Variants in OCSTAMP observed in about 807,000 individuals in gnomAD.
The protein encoded by OCSTAMP is transmembrane protein C20orf123.
OCSTAMP carries 17 observed loss-of-function variants against 25.2 expected under a neutral mutation model. The ratio of observed to expected loss-of-function variants is 0.68; its 90% CI spans 0.46 to 1.01. The LOEUF (loss-of-function observed/expected upper bound fraction) is 1.01. Ranked by LOEUF, OCSTAMP falls within the 50% of genes least tolerant of loss-of-function variation. The probability of loss-of-function intolerance (pLI) is 0.00; values close to 1 mark genes in which losing one functional copy is unlikely to be tolerated. For synonymous variants in OCSTAMP, 345 were observed against 318.9 expected (o/e 1.08, Z -0.87); for missense variants, 664 against 694.6 (o/e 0.96, Z 0.50).
At chr20:46,544,326 C>T (rs796338507) in intron 2 of OCSTAMP, among the ~76,000 whole-genome samples, 2 of 152,288 alleles carry the variant, frequency 1.3e-5, no homozygotes, top group African/African-American at 4.8e-5. Context: ...CCCTTATTGC[C>T]TAAGATGTAA....
At chr20:46,547,886 G>A (rs1397965077) in intron 1 of OCSTAMP, among the ~76,000 whole-genome samples, 1 of 152,142 alleles carries the variant, frequency 6.6e-6, no homozygotes, top group Non-Finnish European at 1.5e-5. Flanking sequence ...CATCGAGAGG[G>A]GAGACATTGA....
intron 2 of OCSTAMP, among the ~76,000 whole-genome samples, chr20:46,544,864 C>T (rs1383777817): frequency 6.6e-6 from 1 of 152,200 alleles, no homozygotes; most frequent in African/African-American, 2.4e-5. Flanking sequence ...TTCCAAAGTC[C>T]TCCTCCAGTC....
Position 46,546,321 on chromosome 20 carries a change from G to A in OCSTAMP, c.53C>T (p.Ser18Phe), listed in dbSNP as rs2061852695. The A allele has an allele frequency of 6.5e-7, 1 of 1,547,322 alleles. No homozygotes were observed. Among genetic ancestry groups the A allele is most frequent in the Non-Finnish European group, 8.7e-7 (1 of 1,145,472 alleles). ...AEQLVKTGWR[S>F]WHLGFWKALA... ...GGCCTTCCAGAACCCCAAGTGCCAG[G>A]ACCTCCACCTGCACACAAGGAAATT... Residue 18 changes from serine (S) to phenylalanine (F), a missense_variant, in exon 2 of 3, where the codon TCC (serine) becomes TTC (phenylalanine). Transcript: ENST00000279028.
intron 2 of OCSTAMP, among the ~76,000 whole-genome samples, 159 bp downstream of exon 2, chr20:46,545,168 T>C (rs946650083): frequency 4.6e-5 from 7 of 152,160 alleles, no homozygotes; most frequent in Admixed American, 2.6e-4. Context: ...GTTGTGGGTA[T>C]CCGATGAGTC....
intron 2 of OCSTAMP, among the ~76,000 whole-genome samples, chr20:46,542,584 A>AAAAAAAAAAAAAG (rs2061837985): frequency 6.6e-6 from 1 of 151,194 alleles, no homozygotes; most frequent in African/African-American, 2.4e-5. Flanking sequence ...CAAAAAAAAA[A>AAAAAAAAAAAAAG]AAAAGATGGG....
chr20:46,542,510 G>T (rs1294978088), intron 2 of OCSTAMP, among the ~76,000 whole-genome samples: 1 of 150,428 alleles, frequency 6.6e-6, no homozygotes, highest in East Asian at 2.0e-4. Flanking sequence ...GAGCCCGAGA[G>T]GGGAGGGTGC....
chr20:46,545,266 C>G, intron 2 of OCSTAMP, 61 bp downstream of exon 2: 1 of 1,407,804 alleles, frequency 7.1e-7, no homozygotes. Context: ...AAGGGTTTAA[C>G]AGATTCTCCC....
In OCSTAMP at chr20:46,541,213, T is replaced by C; in HGVS notation, c.*61A>G. The C allele has an allele frequency of 1.5e-6, 1 of 680,822 alleles. No individual in the cohort carries two copies. The highest frequency in any genetic ancestry group is 2.8e-6 in the Non-Finnish European group (1 of 363,400). The allele number at this position is 680,822 out of a possible 1,614,324, so 42.2% of individuals were successfully genotyped here. A position where few individuals can be genotyped will look rare whatever the true frequency, so the allele number is the denominator to read the frequency against. ...AGATGAGCCTGATCGCCAACCAGCC[T>C]GGAGGAACCATGAGCTCTCTCTGCA... On this transcript the variant is annotated 3_prime_UTR_variant, in exon 3 of 3. Coordinates refer to ENST00000279028, the MANE Select transcript of OCSTAMP (RefSeq NM_080721.3).
intron 1 of OCSTAMP, among the ~76,000 whole-genome samples, chr20:46,549,239 A>G (rs932688071): frequency 6.6e-6 from 1 of 152,216 alleles, no homozygotes; most frequent in East Asian, 1.9e-4. Context: ...AGAAGTTTAC[A>G]CAGGGTCTGG....
At chr20:46,541,970 T>C in intron 2 of OCSTAMP, 43 bp from the exon 3 acceptor site, 1 of 1,405,192 alleles carries the variant, frequency 7.1e-7, no homozygotes, top group Non-Finnish European at 9.3e-7. Context: ...AGGGCCTCTC[T>C]GGCCACTCCC....
chr20:46,548,284 G>T (rs559556696), intron 1 of OCSTAMP, among the ~76,000 whole-genome samples: 2 of 152,268 alleles, frequency 1.3e-5, no homozygotes, highest in South Asian at 4.2e-4. Flanking sequence ...CTGGCACATG[G>T]TAAGTATCAC....
chr20:46,542,096 G>T (rs2061836427), intron 2 of OCSTAMP, among the ~76,000 whole-genome samples, 169 bp from the exon 3 acceptor site: 1 of 152,198 alleles, frequency 6.6e-6, no homozygotes, highest in African/African-American at 2.4e-5. Flanking sequence ...TCTGAAACAG[G>T]TTCTTTTGCC....
At position 46,545,953 on chromosome 20, in the gene OCSTAMP, TG is replaced by T; in HGVS notation, c.420del (p.Asn141ThrfsTer9). ...LAIAVVPNVL[A>X]NVGAAGQVLR... The stretch of plus-strand genomic sequence containing the variant: ...AGCACCTGCCCGGCCGCACCCACGT[TG>T]GCCAGGACGTTGGGCACCACAGCAA... On this transcript the variant is annotated frameshift_variant, in exon 2 of 3. Coordinates refer to ENST00000279028, the MANE Select transcript of OCSTAMP (RefSeq NM_080721.3). LOFTEE classifies it high-confidence loss of function. 6.4e-7 allele frequency: 1 copy of T among 1,551,432 alleles called. No individual in the cohort carries two copies. The highest frequency in any genetic ancestry group is 8.7e-7 in the Non-Finnish European group (1 of 1,146,988).
intron 2 of OCSTAMP, among the ~76,000 whole-genome samples, chr20:46,542,705 A>G (rs1813001394): frequency 6.6e-6 from 1 of 152,036 alleles, no homozygotes; most frequent in African/African-American, 2.4e-5. Context: ...TTCCATAGGT[A>G]TGTCCAGGTG....
In OCSTAMP at chr20:46,541,577, A is replaced by C; in HGVS notation, c.1398T>G (p.Pro466=). 6.4e-7 allele frequency: 1 copy of C among 1,551,648 alleles called. No homozygotes were observed. The highest frequency in any genetic ancestry group is 8.7e-7 in the Non-Finnish European group (1 of 1,146,954). Residue 466 remains proline, a synonymous_variant, in exon 3 of 3, where the codon CCT becomes CCG. Transcript: ENST00000279028. ...HQGQQLPLGD[P]SCVPTPRPAC... is the part of the protein sequence containing the mutation. ...CAGGTCTGGGTGTGGGGACGCAAGA[A>C]GGATCCCCTAGGGGCAGCTGCTGGC...
At chr20:46,546,602 C>T (rs2061853968) in intron 1 of OCSTAMP, among the ~76,000 whole-genome samples, 1 of 152,328 alleles carries the variant, frequency 6.6e-6, no homozygotes, top group East Asian at 1.9e-4. Flanking sequence ...AAAGTCTGCC[C>T]TGTTTGAGTC....
chr20:46,548,750 C>T (rs1053376800), intron 1 of OCSTAMP, among the ~76,000 whole-genome samples: 1 of 152,172 alleles, frequency 6.6e-6, no homozygotes, highest in Admixed American at 6.5e-5. Flanking sequence ...ACTTGCTCCA[C>T]CATCAACAGC....
chr20:46,546,324 C>T lies in OCSTAMP; in HGVS notation c.50G>A (p.Arg17Lys), dbSNP rs778775575. 3.2e-6 allele frequency: 5 copies of T among 1,547,558 alleles called. No homozygotes were observed. In the South Asian group the frequency reaches 4.8e-5, roughly 15 times the overall value. ...AAEQLVKTGWRSWHLGFWKAL... is the reference protein window; with the variant it reads ...AAEQLVKTGWKSWHLGFWKAL... ...CTTCCAGAACCCCAAGTGCCAGGAC[C>T]TCCACCTGCACACAAGGAAATTGAA... Residue 17 changes from arginine to lysine, a missense_variant, in exon 2 of 3, where the codon AGG becomes AAG. Transcript: ENST00000279028.
chr20:46,545,353 GCA>G lies in OCSTAMP; in HGVS notation c.1019_1020del (p.Val340AlafsTer9), dbSNP rs765056613. On this transcript the variant is annotated frameshift_variant, in exon 2 of 3. Transcript: ENST00000279028. LOFTEE classifies it low-confidence loss of function (END_TRUNC). ...TVDWAQKLPT[V>X]PITLTVKYDV... ...TCATACTTGACCGTGAGCGTGATGG[GCA>G]CAGTTGGCAACTTCTGAGCCCAGTC... The G allele has an allele frequency of 7.4e-6, 11 of 1,486,534 alleles. No individual in the cohort carries two copies. In the Middle Eastern group the frequency reaches 5.3e-4, roughly 71 times the overall value. The allele number at this position is 1,486,534 out of a possible 1,614,324, so 92.1% of individuals were successfully genotyped here.
Sources: allele counts gnomAD v4.1 joint callset (sites outside exome capture counted in the v4.1 genomes callset), GRCh38; gene constraint gnomAD v4.1.1; transcripts MANE v1.5; gene names NCBI Gene and HGNC (gene_info 2026-07-23, HGNC 2026-07-21).